PSMA8: variants seen among roughly 807,000 people sequenced by gnomAD.
PSMA8 encodes the protein proteasome subunit alpha-type 8.
PSMA8 carries 18 observed loss-of-function variants against 32.4 expected under a neutral mutation model. That is an observed-to-expected ratio of 0.56 (90% confidence interval 0.38 to 0.82). The LOEUF is 0.82. PSMA8 is among the 40% of genes least tolerant of loss of function. The pLI is 0.00. For missense variants in PSMA8, 298 were observed against 300.7 expected (o/e 0.99, Z 0.07); for synonymous variants, 104 against 98.1 (o/e 1.06, Z -0.36).
intron 3 of PSMA8, among the ~76,000 whole-genome samples, chr18:26,155,313 C>T (rs1386536044): frequency 6.6e-6 from 1 of 152,048 alleles, no homozygotes; most frequent in Non-Finnish European, 1.5e-5. Flanking sequence ...CTACTTTATA[C>T]CTAGGTGTGA....
At chr18:26,173,128 C>G (rs1246663900) in intron 4 of PSMA8, among the ~76,000 whole-genome samples, 1 of 152,122 alleles carries the variant, frequency 6.6e-6, no homozygotes, top group African/African-American at 2.4e-5. Flanking sequence ...CCAAGTAAGT[C>G]AGAGTAAAAA....
intron 3 of PSMA8, among the ~76,000 whole-genome samples, chr18:26,157,474 A>C (rs560554155): frequency 6.6e-6 from 1 of 152,240 alleles, no homozygotes; most frequent in South Asian, 2.1e-4. Context: ...CTCAGTGTGA[A>C]TTCTACTCCT....
intron 4 of PSMA8, among the ~76,000 whole-genome samples, chr18:26,161,727 C>T (rs1329405684): frequency 6.6e-6 from 1 of 152,082 alleles, no homozygotes; most frequent in Non-Finnish European, 1.5e-5. Flanking sequence ...GCAGCCTGGA[C>T]AACATAGACT....
chr18:26,166,591 T>C (rs571588873), intron 4 of PSMA8, among the ~76,000 whole-genome samples: 60 of 152,356 alleles, frequency 3.9e-4, no homozygotes, highest in African/African-American at 1.3e-3. Context: ...TAAACATGTT[T>C]GCTGCAGGTA....
At chr18:26,164,673 G>A (rs866753817) in intron 4 of PSMA8, among the ~76,000 whole-genome samples, 8 of 152,198 alleles carry the variant, frequency 5.3e-5, no homozygotes, top group South Asian at 2.1e-4. Flanking sequence ...CTAGTTTAAA[G>A]GACACTAAAG....
intron 1 of PSMA8, among the ~76,000 whole-genome samples, chr18:26,141,706 C>CTTTTTTTCTTTTTTTTTTTTTTTTTTT (rs35488141): frequency 7.8e-6 from 1 of 128,056 alleles, no homozygotes; most frequent in African/African-American, 3.0e-5. Context: ...CTGTTTCTTT[C>CTTTTTTTCTTTTTTTTTTTTTTTTTTT]TTTTTTCTTT....
chr18:26,166,495 G>A (rs2055181059), intron 4 of PSMA8, among the ~76,000 whole-genome samples: 1 of 152,050 alleles, frequency 6.6e-6, no homozygotes, highest in Admixed American at 6.6e-5. Flanking sequence ...TCTTTTTGAT[G>A]AAACCATAAA....
intron 4 of PSMA8, among the ~76,000 whole-genome samples, chr18:26,176,516 T>C (rs1178870706): frequency 6.6e-6 from 1 of 152,216 alleles, no homozygotes; most frequent in Non-Finnish European, 1.5e-5. Flanking sequence ...AGAAAAATTA[T>C]ATAAAGTAAA....
intron 4 of PSMA8, among the ~76,000 whole-genome samples, chr18:26,173,277 C>T (rs2055238536): frequency 6.6e-6 from 1 of 152,142 alleles, no homozygotes; most frequent in African/African-American, 2.4e-5. Context: ...TGTGTACTTT[C>T]CTCAGGGCTT....
intron 4 of PSMA8, among the ~76,000 whole-genome samples, chr18:26,169,315 C>A (rs2055203734): frequency 7.4e-6 from 1 of 134,358 alleles, no homozygotes; most frequent in Non-Finnish European, 1.5e-5. Context: ...TCAAAGGCAT[C>A]TGAAACTCCG....
chr18:26,154,106 T>C (rs2055067866), intron 3 of PSMA8, among the ~76,000 whole-genome samples: 1 of 152,146 alleles, frequency 6.6e-6, no homozygotes, highest in African/African-American at 2.4e-5. Context: ...TTCACCATGT[T>C]GGCCAGGCTG....
chr18:26,175,212 C>T (rs2055254281), intron 4 of PSMA8, among the ~76,000 whole-genome samples: 1 of 152,184 alleles, frequency 6.6e-6, no homozygotes. Flanking sequence ...AGCAAGCCTT[C>T]AGATGAGAAA....
At chr18:26,174,024 G>A (rs974869503) in intron 4 of PSMA8, among the ~76,000 whole-genome samples, 1 of 151,872 alleles carries the variant, frequency 6.6e-6, no homozygotes, top group Non-Finnish European at 1.5e-5. Context: ...TGAAGCATTA[G>A]TAATTCTTAC....
intron 4 of PSMA8, among the ~76,000 whole-genome samples, chr18:26,170,490 G>A (rs1456124268): frequency 1.5e-5 from 2 of 130,890 alleles, no homozygotes; most frequent in African/African-American, 8.4e-5. Flanking sequence ...GTGTGGAATG[G>A]CAGCTCACTA....
chr18:26,137,457 CA>C (rs138765946), intron 1 of PSMA8, among the ~76,000 whole-genome samples: 4 of 150,626 alleles, frequency 2.7e-5, no homozygotes, highest in Middle Eastern at 3.4e-3. Context: ...GAATCTGTCT[CA>C]AAAAAAAATT....
intron 4 of PSMA8, 93 bp downstream of exon 4, chr18:26,158,337 G>T: frequency 9.7e-7 from 1 of 1,029,222 alleles, no homozygotes; most frequent in Non-Finnish European, 1.4e-6. Flanking sequence ...AAATTATGTT[G>T]CATTAAATAT....
intron 2 of PSMA8, among the ~76,000 whole-genome samples, chr18:26,149,805 C>T (rs933271183): frequency 2.0e-5 from 3 of 151,970 alleles, no homozygotes; most frequent in Admixed American, 2.0e-4. Context: ...AAGACCTAAA[C>T]ATAAGAGCTG....
intron 2 of PSMA8, among the ~76,000 whole-genome samples, chr18:26,150,558 G>A (rs760300099): frequency 5.3e-5 from 8 of 151,846 alleles, no homozygotes; most frequent in South Asian, 2.1e-4. Flanking sequence ...CAGGCTAGTC[G>A]CAAACACCTG....
intron 1 of PSMA8, among the ~76,000 whole-genome samples, chr18:26,136,361 T>G (rs1364279467): frequency 1.3e-5 from 2 of 152,198 alleles, no homozygotes; most frequent in African/African-American, 4.8e-5. Context: ...GACCCCAAAC[T>G]GTTATTAGCT....
Sources: allele counts gnomAD v4.1 joint callset (sites outside exome capture counted in the v4.1 genomes callset), GRCh38; gene constraint gnomAD v4.1.1; transcripts MANE v1.5; gene names NCBI Gene and HGNC (gene_info 2026-07-23, HGNC 2026-07-21).